The following USP45 variants were observed in gnomAD, a reference collection of about 807,000 sequenced individuals.
USP45 encodes the protein ubiquitin specific peptidase 45.
A neutral mutation model predicts 95.8 loss-of-function variants in USP45; 89 were observed. That is an observed-to-expected ratio of 0.93 (90% CI 0.78 to 1.11). The LOEUF (loss-of-function observed/expected upper bound fraction) is 1.11, where lower values mean the gene tolerates loss of function less well. Ranked by LOEUF, USP45 falls within the 50% of genes least tolerant of loss-of-function variation. The pLI is 0.00. For missense variants in USP45, 898 were observed against 942.5 expected, an observed-to-expected ratio of 0.95 and a Z score of 0.62; for synonymous variants, 281 against 316.2, an observed-to-expected ratio of 0.89 and a Z score of 1.18.
chr6:99,441,779 A>G (rs1456644170), intron 15 of USP45, among the ~76,000 whole-genome samples: 2 of 152,168 alleles, frequency 1.3e-5, no homozygotes, highest in Non-Finnish European at 2.9e-5. Context: ...GTACTTCTAG[A>G]AATGTCAGTT....
At chr6:99,447,259 G>A (rs990199234) in intron 13 of USP45, among the ~76,000 whole-genome samples, 1 of 152,146 alleles carries the variant, frequency 6.6e-6, no homozygotes, top group Non-Finnish European at 1.5e-5. Context: ...CCACACAGCT[G>A]ATGGCTTGAA....
chr6:99,454,083 T>A (rs1784489105), intron 13 of USP45, among the ~76,000 whole-genome samples: 1 of 152,132 alleles, frequency 6.6e-6, no homozygotes, highest in South Asian at 2.1e-4. Context: ...TGTACAAGAC[T>A]ACAGTAACCA....
intron 12 of USP45, 127 bp from the exon 13 acceptor site, chr6:99,464,874 A>G (rs1281303238): frequency 8.3e-7 from 1 of 1,198,644 alleles, no homozygotes; most frequent in Non-Finnish European, 1.1e-6. Flanking sequence ...AAAAGTGTTT[A>G]AGAGTTTAAA....
intron 14 of USP45, among the ~76,000 whole-genome samples, chr6:99,445,391 A>G (rs183832542): frequency 2.0e-5 from 3 of 151,988 alleles, no homozygotes; most frequent in East Asian, 1.9e-4. Flanking sequence ...GCTGAGGCAG[A>G]ATAATCGCTT....
At chr6:99,507,736 TA>T (rs1216576349) in intron 3 of USP45, among the ~76,000 whole-genome samples, 1 of 152,232 alleles carries the variant, frequency 6.6e-6, no homozygotes, top group Non-Finnish European at 1.5e-5. Context: ...AGTATTTACC[TA>T]AAACAATCAT....
intron 5 of USP45, among the ~76,000 whole-genome samples, chr6:99,489,211 A>C (rs1000195939): frequency 1.3e-5 from 2 of 152,214 alleles, no homozygotes; most frequent in Admixed American, 6.5e-5. Flanking sequence ...ATGAACCCAT[A>C]ACATTTTGCC....
At chr6:99,482,726 AT>A in intron 8 of USP45, 26 bp downstream of exon 8, 1 of 1,562,798 alleles carries the variant, frequency 6.4e-7, no homozygotes, top group South Asian at 1.2e-5. Flanking sequence ...ACTCATAATT[AT>A]TTATATTAAA....
At chr6:99,485,939 C>T (rs751058661) in intron 7 of USP45, among the ~76,000 whole-genome samples, 3 of 152,026 alleles carry the variant, frequency 2.0e-5, no homozygotes, top group South Asian at 2.1e-4. Flanking sequence ...ACATCCATTC[C>T]GATAAAACTT....
At chr6:99,484,700 T>C (rs1031432837) in intron 7 of USP45, among the ~76,000 whole-genome samples, 12 of 150,494 alleles carry the variant, frequency 8.0e-5, no homozygotes, top group Non-Finnish European at 1.6e-4. Flanking sequence ...CTCAGGAGGC[T>C]GAAGTGGGAG....
intron 13 of USP45, among the ~76,000 whole-genome samples, chr6:99,458,163 G>T (rs1785510702): frequency 6.6e-6 from 1 of 152,126 alleles, no homozygotes; most frequent in Non-Finnish European, 1.5e-5. Context: ...TGGATTACAG[G>T]CGTGTGCCAC....
At position 99,464,666 on chromosome 6, in the gene USP45, C is replaced by T. The variant is rs1292042407; in HGVS notation, c.1246G>A (p.Val416Ile). The T allele has an allele frequency of 6.2e-7, 1 of 1,613,134 alleles. No homozygotes were observed. Among genetic ancestry groups the T allele is most frequent in the Non-Finnish European group, 8.5e-7 (1 of 1,179,826 alleles). ...ETDHDRYSGN[V>I]TIENIHQPRA... is the part of the protein sequence containing the mutation. ...GGTTGATGAATATTTTCTATAGTAA[C>T]ATTGCCACTGTATCGATCATGATCT... Residue 416 changes from valine to isoleucine, a missense_variant, in exon 13 of 18, where the codon GTT becomes ATT. Val to Ile is a conservative substitution (Grantham distance 29). Transcript: ENST00000500704.
intron 13 of USP45, among the ~76,000 whole-genome samples, chr6:99,457,682 T>G (rs6916603): frequency 0.31 from 46,395 of 152,096 alleles, 7,365 homozygotes; most frequent in Middle Eastern, 0.39. Flanking sequence ...ATCCAATTAA[T>G]CTAATTCTGA....
At position 99,432,941 on chromosome 6, in the gene USP45, A is replaced by G. The variant is rs1779924483; in HGVS notation, c.*2775T>C. ...TACAGTAAAATAGCTCTGTTGGTAC[A>G]TTTAAAATAAGAGAACAGGCATCAA... On this transcript the variant is annotated 3_prime_UTR_variant, in exon 18 of 18. Transcript: ENST00000500704. 1 of 152,610 alleles carries G rather than the reference A, an allele frequency of 6.6e-6. No homozygotes were observed. Among genetic ancestry groups the G allele is most frequent in the South Asian group, 2.1e-4 (1 of 4,836 alleles). The allele number at this position is 152,610 out of a possible 1,614,324, so 9.5% of individuals were successfully genotyped here.
chr6:99,488,441 T>C, intron 6 of USP45, 146 bp from the exon 7 acceptor site: 1 of 685,518 alleles, frequency 1.5e-6, no homozygotes, highest in Non-Finnish European at 2.4e-6. Context: ...TTACATTTAG[T>C]AAAGGTCACT....
intron 7 of USP45, among the ~76,000 whole-genome samples, chr6:99,485,946 A>G (rs1793768866): frequency 6.6e-6 from 1 of 152,180 alleles, no homozygotes; most frequent in Non-Finnish European, 1.5e-5. Context: ...TTCCGATAAA[A>G]CTTTCAGAAA....
intron 10 of USP45, chr6:99,468,049 G>A: frequency 2.4e-6 from 1 of 418,588 alleles, no homozygotes; most frequent in Non-Finnish European, 4.8e-6. Context: ...TATTTTTATG[G>A]ATGAATAGCA....
chr6:99,490,420 T>C (rs957711110), intron 5 of USP45, among the ~76,000 whole-genome samples: 2 of 151,968 alleles, frequency 1.3e-5, no homozygotes, highest in Non-Finnish European at 2.9e-5. Flanking sequence ...CCTCAAGTGA[T>C]CCACCCACCT....
intron 15 of USP45, among the ~76,000 whole-genome samples, chr6:99,443,271 A>T (rs950356855): frequency 2.6e-5 from 4 of 152,142 alleles, no homozygotes; most frequent in African/African-American, 9.7e-5. Context: ...AGCCTCCCAA[A>T]GGCCGAGGGA....
intron 5 of USP45, among the ~76,000 whole-genome samples, chr6:99,497,698 T>A (rs1415747325): frequency 6.6e-6 from 1 of 152,210 alleles, no homozygotes; most frequent in East Asian, 1.9e-4. Flanking sequence ...CAGCCACTTC[T>A]CTGCTTAAAA....
Sources: allele counts gnomAD v4.1 joint callset (sites outside exome capture counted in the v4.1 genomes callset), GRCh38; gene constraint gnomAD v4.1.1; transcripts MANE v1.5; gene names NCBI Gene and HGNC (gene_info 2026-07-23, HGNC 2026-07-21).